XKR4: variants seen among roughly 807,000 people sequenced by gnomAD.
XKR4 encodes the protein XK related 4.
Under a neutral mutation model 53.9 loss-of-function variants are expected in XKR4, and 12 were observed. That is an observed-to-expected ratio of 0.22 (90% CI 0.14 to 0.36). The LOEUF (loss-of-function observed/expected upper bound fraction) is 0.36, where lower values mean the gene tolerates loss of function less well. Ranked by LOEUF, XKR4 falls within the 10% of genes least tolerant of loss-of-function variation. The pLI, the probability that XKR4 is intolerant of heterozygous loss-of-function variation, is 1.00. For missense variants in XKR4, 799 were observed against 859.5 expected, an observed-to-expected ratio of 0.93 and a Z score of 0.88; for synonymous variants, 354 against 362.4, an observed-to-expected ratio of 0.98 and a Z score of 0.26.
At chr8:55,366,660 G>A (rs183372350) in intron 2 of XKR4, among the ~76,000 whole-genome samples, 1 of 152,282 alleles carries the variant, frequency 6.6e-6, no homozygotes, top group Non-Finnish European at 1.5e-5. Flanking sequence ...TAAGAAAATA[G>A]AGGCAATAAA....
chr8:55,362,113 G>A (rs748206181), intron 2 of XKR4, among the ~76,000 whole-genome samples: 4 of 152,120 alleles, frequency 2.6e-5, no homozygotes, highest in Non-Finnish European at 4.4e-5. Context: ...CAAAGGATTC[G>A]GCAGACCCTT....
intron 2 of XKR4, chr8:55,449,977 T>G (rs1232477287): frequency 2.9e-5 from 24 of 825,638 alleles, no homozygotes; most frequent in Non-Finnish European, 4.0e-5. Flanking sequence ...GGGTTCCTCC[T>G]GCAGGTACAT....
intron 1 of XKR4, among the ~76,000 whole-genome samples, chr8:55,203,131 T>G (rs1224402820): frequency 2.0e-5 from 3 of 151,680 alleles, no homozygotes; most frequent in Non-Finnish European, 2.9e-5. Flanking sequence ...ATGACAGACA[T>G]GTGTGCCCAG....
intron 2 of XKR4, among the ~76,000 whole-genome samples, chr8:55,398,138 G>A (rs780700399): frequency 2.0e-5 from 3 of 152,126 alleles, no homozygotes; most frequent in Non-Finnish European, 2.9e-5. Context: ...AGGATGGAAG[G>A]GATAAAACTT....
At chr8:55,190,982 CT>C (rs1817437626) in intron 1 of XKR4, among the ~76,000 whole-genome samples, 1 of 152,170 alleles carries the variant, frequency 6.6e-6, no homozygotes, top group Admixed American at 6.5e-5. Context: ...TAGCAAAGGG[CT>C]TCCATGGATA....
intron 1 of XKR4, among the ~76,000 whole-genome samples, chr8:55,296,066 T>G (rs1704982566): frequency 6.6e-6 from 1 of 152,128 alleles, no homozygotes; most frequent in African/African-American, 2.4e-5. Context: ...AAAGCTGGTA[T>G]GGGGCTGGGC....
intron 1 of XKR4, among the ~76,000 whole-genome samples, chr8:55,248,774 G>A (rs749192192): frequency 4.0e-5 from 6 of 151,122 alleles, no homozygotes; most frequent in Non-Finnish European, 8.8e-5. Flanking sequence ...TGTATTTCTC[G>A]GCTTTTCCCT....
chr8:55,126,177 T>C (rs1261492396), intron 1 of XKR4, among the ~76,000 whole-genome samples: 1 of 152,238 alleles, frequency 6.6e-6, no homozygotes, highest in African/African-American at 2.4e-5. Context: ...AGCCCTTTCA[T>C]GCAGCTAGAG....
chr8:55,320,002 G>T (rs2129379314), intron 1 of XKR4, among the ~76,000 whole-genome samples: 1 of 152,306 alleles, frequency 6.6e-6, no homozygotes, highest in South Asian at 2.1e-4. Flanking sequence ...CCAGTTTCTT[G>T]CTGGAAAGGT....
At chr8:55,358,121 G>T (rs1803846892) in intron 2 of XKR4, among the ~76,000 whole-genome samples, 1 of 152,158 alleles carries the variant, frequency 6.6e-6, no homozygotes, top group Non-Finnish European at 1.5e-5. Flanking sequence ...AAATCTTTAT[G>T]ATTTTACACT....
At chr8:55,234,975 G>A (rs1390458526) in intron 1 of XKR4, among the ~76,000 whole-genome samples, 1 of 152,194 alleles carries the variant, frequency 6.6e-6, no homozygotes, top group Non-Finnish European at 1.5e-5. Context: ...TCCTGTGGCC[G>A]CCATAACAAA....
chr8:55,262,785 C>T, intron 1 of XKR4, among the ~76,000 whole-genome samples: 1 of 152,176 alleles, frequency 6.6e-6, no homozygotes, highest in East Asian at 1.9e-4. Context: ...ATTAGATGCC[C>T]ACTCTTAGAT....
intron 1 of XKR4, among the ~76,000 whole-genome samples, chr8:55,229,559 G>A (rs568010221): frequency 6.6e-6 from 1 of 152,342 alleles, no homozygotes; most frequent in East Asian, 1.9e-4. Flanking sequence ...ATATAATTAA[G>A]AAAGGAAAGA....
intron 2 of XKR4, among the ~76,000 whole-genome samples, chr8:55,378,191 G>A (rs1273130821): frequency 6.6e-6 from 1 of 152,126 alleles, no homozygotes; most frequent in African/African-American, 2.4e-5. Flanking sequence ...TGAATTTAGA[G>A]AAACAAAGAA....
chr8:55,361,287 G>C (rs140292882), intron 2 of XKR4, among the ~76,000 whole-genome samples: 2,247 of 152,222 alleles, frequency 0.015, 30 homozygotes, highest in Non-Finnish European at 0.021. Context: ...GACGTTGAGA[G>C]GGGGAGAGGA....
At chr8:55,186,461 C>G (rs1022141742) in intron 1 of XKR4, among the ~76,000 whole-genome samples, 3 of 152,174 alleles carry the variant, frequency 2.0e-5, no homozygotes, top group African/African-American at 7.2e-5. Flanking sequence ...CGAGACCATC[C>G]TGGCTAACAT....
chr8:55,474,975 T>G (rs1805956642), intron 2 of XKR4, among the ~76,000 whole-genome samples: 1 of 152,080 alleles, frequency 6.6e-6, no homozygotes, highest in Non-Finnish European at 1.5e-5. Flanking sequence ...ACAAAGTCAT[T>G]CGCTCTGTCT....
chr8:55,480,569 A>G (rs1389025344), intron 2 of XKR4, among the ~76,000 whole-genome samples: 3 of 152,118 alleles, frequency 2.0e-5, no homozygotes, highest in African/African-American at 7.2e-5. Flanking sequence ...AGGCAGGAGA[A>G]GGAAATAAAG....
At chr8:55,235,423 A>T (rs1161360214) in intron 1 of XKR4, among the ~76,000 whole-genome samples, 1 of 152,228 alleles carries the variant, frequency 6.6e-6, no homozygotes, top group Non-Finnish European at 1.5e-5. Context: ...GATGCAAAAA[A>T]TATCTGCCTC....
Sources: allele counts gnomAD v4.1 joint callset (sites outside exome capture counted in the v4.1 genomes callset), GRCh38; gene constraint gnomAD v4.1.1; transcripts MANE v1.5; gene names NCBI Gene and HGNC (gene_info 2026-07-23, HGNC 2026-07-21).